The following UGT1A1 variants were observed in gnomAD, a reference collection of about 807,000 sequenced individuals.
The protein encoded by UGT1A1 is UDP-glucuronosyltransferase 1A1.
Under a neutral mutation model 40.6 loss-of-function variants are expected in UGT1A1, and 33 were observed. The observed-to-expected ratio is 0.81, with a 90% confidence interval of 0.62 to 1.09. The LOEUF is 1.09. UGT1A1 is among the 50% of genes least tolerant of loss of function. The probability of loss-of-function intolerance (pLI) is 0.00; values close to 1 mark genes in which losing one functional copy is unlikely to be tolerated. For missense variants in UGT1A1, 694 were observed against 671.2 expected (o/e 1.03, Z -0.38); for synonymous variants, 249 against 265.0 (o/e 0.94, Z 0.59).
intron 1 of UGT1A1, among the ~76,000 whole-genome samples, chr2:233,762,360 A>G (rs1698052842): frequency 6.6e-6 from 1 of 152,238 alleles, no homozygotes; most frequent in Non-Finnish European, 1.5e-5. Context: ...TACTCCAGCT[A>G]TTACATACCA....
At position 233,760,950 on chromosome 2, in the gene UGT1A1, T is replaced by C; in HGVS notation, c.663T>C (p.Phe221=). Residue 221 remains phenylalanine (F), a synonymous_variant, in exon 1 of 5, where the codon TTT becomes TTC. Coordinates refer to ENST00000305208, the MANE Select transcript of UGT1A1 (RefSeq NM_000463.3). ...TGCTCATTGCCTTTTCACAGAACTTTCTGTGCGACGTGGTTTATTCCCCGT... is the reference window on the plus strand; with the variant it reads ...TGCTCATTGCCTTTTCACAGAACTTCCTGTGCGACGTGGTTTATTCCCCGT... ...KNMLIAFSQN[F]LCDVVYSPYA... The C allele has an allele frequency of 1.2e-6, 2 of 1,614,226 alleles. No homozygotes were observed. The highest frequency in any genetic ancestry group is 2.2e-5 in the East Asian group (1 of 44,888).
rs375974892 is a variant in UGT1A1 at position 233,760,864 on chromosome 2, G to A, written c.577G>A (p.Val193Met). The A allele has an allele frequency of 8.0e-5, 129 of 1,613,862 alleles. No individual in the cohort carries two copies. Among genetic ancestry groups the A allele is most frequent in the Non-Finnish European group, 9.2e-5 (109 of 1,179,976 alleles). ...ATQCPNPFSYVPRPLSSHSDH... is the reference protein window; with the variant it reads ...ATQCPNPFSYMPRPLSSHSDH... ...CCAGTGCCCCAACCCATTCTCCTAC[G>A]TGCCCAGGCCTCTCTCCTCTCATTC... is the stretch of plus-strand genomic sequence containing the variant. Residue 193 changes from valine (V) to methionine (M), a missense_variant, in exon 1 of 5, where the codon GTG becomes ATG. By Grantham distance (21) the Val-to-Met change is conservative. Coordinates refer to ENST00000305208, the MANE Select transcript of UGT1A1 (RefSeq NM_000463.3).
intron 4 of UGT1A1, among the ~76,000 whole-genome samples, chr2:233,768,754 T>C (rs899936789): frequency 6.6e-6 from 1 of 151,960 alleles, no homozygotes; most frequent in Non-Finnish European, 1.5e-5. Context: ...GGTTAATTTT[T>C]GTATTTTTTA....
Position 233,769,854 on chromosome 2 carries a change from T to C in UGT1A1, c.1304+1415T>C. 2.3e-6 allele frequency: 1 copy of C among 426,358 alleles called. No homozygotes were observed. The highest frequency in any genetic ancestry group is 3.7e-6 in the Non-Finnish European group (1 of 266,722). 26.4% of individuals were successfully genotyped at this position (426,358 alleles called of 1,614,324 possible). On this transcript the variant is annotated intron_variant, in intron 4 of 4. Transcript: ENST00000305208. The surrounding 1 kb of genome is among the most constrained non-coding windows in gnomAD (Gnocchi z 4.4). ...ACCTGGGCAACAGAGTGAGACCCTGTCTCAAAAAAAAAAAAAAAAATGAAA... is the reference window on the plus strand; with the variant it reads ...ACCTGGGCAACAGAGTGAGACCCTGCCTCAAAAAAAAAAAAAAAAATGAAA...
chr2:233,765,958 G>T (rs1456773325), intron 1 of UGT1A1, among the ~76,000 whole-genome samples: 1 of 152,138 alleles, frequency 6.6e-6, no homozygotes, highest in East Asian at 1.9e-4. Flanking sequence ...CACCGGCAGT[G>T]TCTAGAGGTG....
rs1426136333 is a variant in UGT1A1, at chr2:233,761,040, A to G, written c.753A>G (p.Ala251=). The change falls in exon 1 of 5, where the codon GCA becomes GCG. Residue 251 remains alanine, a synonymous_variant. Coordinates refer to ENST00000305208, the MANE Select transcript of UGT1A1 (RefSeq NM_000463.3). ...CTGTCCAGGACCTATTGAGCTCTGC[A>G]TCTGTCTGGCTGTTTAGAAGTGACT... The part of the protein sequence containing the change: ...EVTVQDLLSS[A]SVWLFRSDFV... The G allele has an allele frequency of 3.1e-6, 5 of 1,614,140 alleles. No homozygotes were observed. The highest frequency in any genetic ancestry group is 4.2e-6 in the Non-Finnish European group (5 of 1,180,032).
chr2:233,767,182 C>T lies in UGT1A1; in HGVS notation c.996+17C>T. The T allele has an allele frequency of 6.2e-7, 1 of 1,613,942 alleles. No individual in the cohort carries two copies. The highest frequency in any genetic ancestry group is 8.5e-7 in the Non-Finnish European group (1 of 1,179,982). On this transcript the variant is annotated intron_variant, in intron 2 of 4. Coordinates refer to ENST00000305208, the MANE Select transcript of UGT1A1 (RefSeq NM_000463.3). ...CCTCAGACAGTAAGAAGATTCTATACCATGGCCTCATATCTATTTTCACAG... is the reference window on the plus strand; with the variant it reads ...CCTCAGACAGTAAGAAGATTCTATATCATGGCCTCATATCTATTTTCACAG...
At position 233,769,722 on chromosome 2, in the gene UGT1A1, G is replaced by A. The variant is rs906143757; in HGVS notation, c.1304+1283G>A. ...AGATCAATGTTGGCTAGGCACCATG[G>A]CACACGCCTGTAGTCCCAGCCACTC... On this transcript the variant is annotated intron_variant, in intron 4 of 4. Coordinates refer to ENST00000305208, the MANE Select transcript of UGT1A1 (RefSeq NM_000463.3). The surrounding 1 kb of genome is among the most constrained non-coding windows in gnomAD (Gnocchi z 4.4). 8 of 1,484,822 alleles carry A rather than the reference G, an allele frequency of 5.4e-6. No individual in the cohort carries two copies. Among genetic ancestry groups the A allele is most frequent in the East Asian group, 5.0e-5 (2 of 40,322 alleles). 92.0% of individuals were successfully genotyped at this position (1,484,822 alleles called of 1,614,324 possible).
chr2:233,763,077 G>C (rs1318326063), intron 1 of UGT1A1, among the ~76,000 whole-genome samples: 1 of 152,214 alleles, frequency 6.6e-6, no homozygotes, highest in Non-Finnish European at 1.5e-5. Context: ...TTCTTTGCGT[G>C]AGGATGTTTG....
chr2:233,765,587 C>T (rs1353703058), intron 1 of UGT1A1, among the ~76,000 whole-genome samples: 1 of 151,970 alleles, frequency 6.6e-6, no homozygotes, highest in East Asian at 1.9e-4. Context: ...AGGGGAACAA[C>T]ACACACCAGG....
intron 1 of UGT1A1, among the ~76,000 whole-genome samples, chr2:233,765,804 G>T (rs1575814743): frequency 6.6e-6 from 1 of 152,060 alleles, no homozygotes. Flanking sequence ...AGTGAGAAAA[G>T]AATTGCCATG....
intron 1 of UGT1A1, among the ~76,000 whole-genome samples, chr2:233,765,522 C>T (rs1046114337): frequency 3.9e-5 from 6 of 151,992 alleles, no homozygotes; most frequent in East Asian, 1.9e-4. Flanking sequence ...AATCAAACAC[C>T]GCATGTTCTC....
chr2:233,767,002 A>C, intron 1 of UGT1A1, 32 bp from the exon 2 acceptor site: 2 of 1,613,784 alleles, frequency 1.2e-6, no homozygotes, highest in Non-Finnish European at 1.7e-6. Flanking sequence ...ATATGAGAAA[A>C]AATTAACTGA....
intron 4 of UGT1A1, among the ~76,000 whole-genome samples, chr2:233,771,783 T>TCTCACTCCCTCCCTCC (rs1700380653): frequency 6.6e-6 from 1 of 151,556 alleles, no homozygotes; most frequent in Non-Finnish European, 1.5e-5. Context: ...TCCTTTCCTC[T>TCTCACTCCCTCCCTCC]CTCCCTCCCT....
At chr2:233,763,812 C>A (rs1698404052) in intron 1 of UGT1A1, among the ~76,000 whole-genome samples, 1 of 152,104 alleles carries the variant, frequency 6.6e-6, no homozygotes, top group Non-Finnish European at 1.5e-5. Context: ...TCAAGAATTC[C>A]AAGATGTTCC....
In UGT1A1 at chr2:233,761,087, C is replaced by G. The variant is rs141950052; in HGVS notation, c.800C>G (p.Pro267Arg). The G allele has an allele frequency of 6.2e-7, 1 of 1,614,018 alleles. No individual in the cohort carries two copies. The highest frequency in any genetic ancestry group is 8.5e-7 in the Non-Finnish European group (1 of 1,180,044). The change falls in exon 1 of 5, where the codon CCC (proline) becomes CGC (arginine). Residue 267 changes from proline to arginine, a missense_variant. Pro to Arg is a moderately radical substitution (Grantham distance 103). Coordinates refer to ENST00000305208, the MANE Select transcript of UGT1A1 (RefSeq NM_000463.3). ...GACTTTGTGAAGGATTACCCTAGGCCCATCATGCCCAATATGGTTTTTGTT... is the reference window on the plus strand; with the variant it reads ...GACTTTGTGAAGGATTACCCTAGGCGCATCATGCCCAATATGGTTTTTGTT... Reference protein sequence around the residue: ...RSDFVKDYPRPIMPNMVFVGG... With the variant: ...RSDFVKDYPRRIMPNMVFVGG...
At chr2:233,764,396 C>G (rs1202361734) in intron 1 of UGT1A1, among the ~76,000 whole-genome samples, 1 of 152,202 alleles carries the variant, frequency 6.6e-6, no homozygotes, top group African/African-American at 2.4e-5. Flanking sequence ...GTGATGACAA[C>G]TTCTCTGCAG....
chr2:233,767,285 T>G, intron 2 of UGT1A1, 120 bp downstream of exon 2: 4 of 1,569,258 alleles, frequency 2.5e-6, no homozygotes, highest in Non-Finnish European at 3.4e-6. Flanking sequence ...CCCTGCCACT[T>G]CCCAACTATT....
At position 233,764,985 on chromosome 2, in the gene UGT1A1, G is replaced by A. The variant is rs952012916; in HGVS notation, c.865-2049G>A. On this transcript the variant is annotated intron_variant, in intron 1 of 4. Coordinates refer to ENST00000305208, the MANE Select transcript of UGT1A1 (RefSeq NM_000463.3). ...TTGGGAGAAGGATGGTCAGTGTCTG[G>A]GGCTTTCCTGGTCATGTTCCAAATC... Among the ~76,000 whole-genome samples, 3 of 152,196 alleles carry A rather than the reference G, an allele frequency of 2.0e-5. No homozygotes were observed. In the South Asian group the frequency reaches 6.2e-4, roughly 32 times the overall value.
Sources: allele counts gnomAD v4.1 joint callset (sites outside exome capture counted in the v4.1 genomes callset), GRCh38; gene constraint gnomAD v4.1.1; non-coding constraint Gnocchi (gnomAD v3.1); transcripts MANE v1.5; gene names NCBI Gene and HGNC (gene_info 2026-07-23, HGNC 2026-07-21).